Variants in MFSD11 observed in about 807,000 individuals in gnomAD.
The protein encoded by MFSD11 is UNC93-like protein MFSD11.
Under a neutral mutation model 53.5 loss-of-function variants are expected in MFSD11, and 36 were observed. The ratio of observed to expected loss-of-function variants is 0.67; its 90% CI spans 0.52 to 0.89. The LOEUF is 0.89. Among genes scored for constraint, MFSD11 ranks in the 40% least tolerant of loss-of-function variants. The probability of loss-of-function intolerance (pLI) is 0.00; values close to 1 mark genes in which losing one functional copy is unlikely to be tolerated. For synonymous variants in MFSD11, 186 were observed against 184.9 expected (o/e 1.01, Z -0.05); for missense variants, 530 against 543.9 (o/e 0.97, Z 0.25).
downstream of MFSD11, among the ~76,000 whole-genome samples, chr17:76,784,122 G>A (rs535684519): frequency 6.6e-5 from 10 of 152,100 alleles, no homozygotes; most frequent in African/African-American, 2.4e-4. Context: ...TTCACTTGTG[G>A]GTATATACAT....
the MFSD11 span, among the ~76,000 whole-genome samples, chr17:76,791,526 G>T: frequency 6.7e-6 from 1 of 148,774 alleles, no homozygotes; most frequent in Non-Finnish European, 1.5e-5. Context: ...AGAACATGTT[G>T]AGGAAAAAAC....
At chr17:76,742,087 T>G (rs950925517) in intron 4 of MFSD11, 39 bp downstream of exon 4, 3 of 1,614,168 alleles carry the variant, frequency 1.9e-6, no homozygotes, top group Non-Finnish European at 2.5e-6. Flanking sequence ...CTTTCTTTTC[T>G]GGGGCCTATC....
intron 7 of MFSD11, among the ~76,000 whole-genome samples, chr17:76,749,498 C>T (rs2078850810): frequency 6.7e-6 from 1 of 149,500 alleles, no homozygotes; most frequent in Non-Finnish European, 1.5e-5. Flanking sequence ...CACCACCACA[C>T]TCCAGCCTGG....
rs1210944113 is a variant in MFSD11 at position 76,753,703 on chromosome 17, AGAAAG to A, written c.642-343_642-339del. ...ACCCTGTCTCAAAAAAAAAAAAAAA[AGAAAG>A]AAAGAAAGAAAGTGAAAGTAACAGG... On this transcript the variant is annotated intron_variant, in intron 7 of 12. Transcript: ENST00000685175. Among the ~76,000 whole-genome samples the A allele has an allele frequency of 7.2e-4, 107 of 148,886 alleles. No individual in the cohort carries two copies. The South Asian group carries it at 0.012, about 16-fold the overall frequency.
At position 76,742,243 on chromosome 17, in the gene MFSD11, G is replaced by C; in HGVS notation, c.407G>C (p.Ser136Thr). ...NSDEHSIGRN[S>T]GIFWALLQSS... is the part of the protein sequence containing the mutation. ...GATGAGCACAGCATTGGGAGAAACA[G>C]TGGGATTTTCTGGGCACTTCTGCAG... Residue 136 changes from serine (S) to threonine (T), a missense_variant, in exon 5 of 13, where the codon AGT (serine) becomes ACT (threonine). Coordinates refer to ENST00000685175, the MANE Select transcript of MFSD11 (RefSeq NM_001242532.5). The C allele has an allele frequency of 6.2e-7, 1 of 1,614,166 alleles. No homozygotes were observed. The highest frequency in any genetic ancestry group is 8.5e-7 in the Non-Finnish European group (1 of 1,179,996).
chr17:76,772,692 A>G (rs895667795), intron 10 of MFSD11, among the ~76,000 whole-genome samples: 1 of 151,402 alleles, frequency 6.6e-6, no homozygotes, highest in African/African-American at 2.4e-5. Context: ...TAATTTTTGT[A>G]TTTTTAGTAG....
intron 2 of MFSD11, among the ~76,000 whole-genome samples, chr17:76,740,173 C>CAAAAAAA (rs11289503): frequency 5.2e-5 from 4 of 76,628 alleles, no homozygotes; most frequent in Admixed American, 1.4e-4. Context: ...GGCTCCGTCT[C>CAAAAAAA]AAAAAAAAAA....
At chr17:76,740,401 A>G (rs1238298198) in intron 2 of MFSD11, among the ~76,000 whole-genome samples, 1 of 152,174 alleles carries the variant, frequency 6.6e-6, no homozygotes, top group Non-Finnish European at 1.5e-5. Flanking sequence ...TGAGTTAAAT[A>G]AATTCTGGCT....
chr17:76,756,395 A>G (rs1598617918), intron 8 of MFSD11, among the ~76,000 whole-genome samples: 1 of 151,988 alleles, frequency 6.6e-6, no homozygotes, highest in African/African-American at 2.4e-5. Flanking sequence ...GAGTGCTGGG[A>G]TTATAGGCGT....
At chr17:76,736,710 C>T, upstream of MFSD11, 1 of 1,343,210 alleles carries the variant, frequency 7.4e-7, no homozygotes, top group South Asian at 1.8e-5. Flanking sequence ...CGGGCCCGCA[C>T]CACGTGCTTC....
chr17:76,759,710 G>A (rs936843068), intron 8 of MFSD11, among the ~76,000 whole-genome samples: 4 of 142,550 alleles, frequency 2.8e-5, no homozygotes, highest in Non-Finnish European at 6.1e-5. Flanking sequence ...GCCTACCTTG[G>A]CCTCCCAAAG....
intron 7 of MFSD11, among the ~76,000 whole-genome samples, chr17:76,752,293 A>G (rs754689637): frequency 1.1e-4 from 16 of 152,164 alleles, no homozygotes; most frequent in South Asian, 2.1e-4. Flanking sequence ...GACTTCATCA[A>G]TCTTGGTGGA....
At chr17:76,777,292 G>T (rs531037288) in intron 12 of MFSD11, among the ~76,000 whole-genome samples, 75 of 150,800 alleles carry the variant, frequency 5.0e-4, no homozygotes, top group African/African-American at 1.7e-3. Flanking sequence ...AAAAAAGACA[G>T]TCTCACTCTG....
intron 9 of MFSD11, among the ~76,000 whole-genome samples, chr17:76,768,037 T>G (rs951539246): frequency 6.6e-6 from 1 of 152,184 alleles, no homozygotes; most frequent in African/African-American, 2.4e-5. Context: ...GTGCAGTGGC[T>G]CACGCCTGTA....
At chr17:76,752,397 A>ATTT (rs201402482) in intron 7 of MFSD11, among the ~76,000 whole-genome samples, 2 of 138,514 alleles carry the variant, frequency 1.4e-5, no homozygotes, top group African/African-American at 2.7e-5. Context: ...AAAGTCAGGG[A>ATTT]TTTTTTTTTT....
intron 8 of MFSD11, among the ~76,000 whole-genome samples, chr17:76,761,356 A>G (rs964623424): frequency 6.6e-6 from 1 of 152,218 alleles, no homozygotes; most frequent in African/African-American, 2.4e-5. Flanking sequence ...ATAATTAAAT[A>G]TTGTGGCAAG....
chr17:76,793,296 A>G, the MFSD11 span, among the ~76,000 whole-genome samples: 4 of 151,490 alleles, frequency 2.6e-5, no homozygotes, highest in Admixed American at 2.0e-4. Context: ...CAAGGGGGCC[A>G]TTTTAGAGGC....
chr17:76,746,013 A>G (rs956156395), intron 7 of MFSD11, among the ~76,000 whole-genome samples: 1 of 152,174 alleles, frequency 6.6e-6, no homozygotes, highest in Non-Finnish European at 1.5e-5. Context: ...AGACATGTAG[A>G]AAGCTGAGAC....
upstream of MFSD11, chr17:76,736,635 C>T (rs1193382088): frequency 1.7e-6 from 2 of 1,164,334 alleles, no homozygotes; most frequent in African/African-American, 3.3e-5. Context: ...TCCCGGGTCG[C>T]AGACGGCGGA....
Sources: gnomAD v4.1 joint callset for allele counts (sites outside exome capture counted in the v4.1 genomes callset) on GRCh38, gnomAD v4.1.1 for gene constraint, MANE v1.5 for transcripts, NCBI Gene and HGNC (gene_info 2026-07-23, HGNC 2026-07-21) for gene names.